ERI1: variants seen among roughly 807,000 people sequenced by gnomAD.
ERI1 encodes the protein exoribonuclease 1.
ERI1 carries 39 observed loss-of-function variants against 39.7 expected under a neutral mutation model. That is an observed-to-expected ratio of 0.98 (90% CI 0.76 to 1.28). The LOEUF (loss-of-function observed/expected upper bound fraction) is 1.28, where lower values mean the gene tolerates loss of function less well. Ranked by LOEUF, ERI1 falls within the 50% of genes most tolerant of loss-of-function variation. ERI1 has a pLI of 0.00. For synonymous variants in ERI1, 204 were observed against 149.6 expected (o/e 1.36, Z -2.65); for missense variants, 581 against 416.9 (o/e 1.39, Z -3.43).
At chr8:9,036,738 G>A (rs1161860328), downstream of ERI1, among the ~76,000 whole-genome samples, 1 of 152,012 alleles carries the variant, frequency 6.6e-6, no homozygotes, top group Non-Finnish European at 1.5e-5. Context: ...GCAAGGTTGT[G>A]ATTTTCTGTT....
intron 3 of ERI1, among the ~76,000 whole-genome samples, chr8:9,050,126 A>G (rs1045274814): frequency 2.0e-5 from 3 of 151,866 alleles, no homozygotes; most frequent in Non-Finnish European, 4.4e-5. Flanking sequence ...GAGGTAGAAT[A>G]TATATAAAGC....
intron 5 of ERI1, among the ~76,000 whole-genome samples, chr8:9,018,777 T>C (rs755185720): frequency 1.4e-4 from 22 of 152,354 alleles, no homozygotes; most frequent in African/African-American, 4.1e-4. Flanking sequence ...TAATCCTCTT[T>C]AGTCAGACTG....
At chr8:9,015,646 T>C (rs940289623) in intron 3 of ERI1, among the ~76,000 whole-genome samples, 4 of 134,664 alleles carry the variant, frequency 3.0e-5, no homozygotes, top group South Asian at 4.7e-4. Context: ...GGCGTGAACC[T>C]GGGAGGCGGA....
intron 1 of ERI1, among the ~76,000 whole-genome samples, chr8:9,003,892 C>T (rs988192760): frequency 4.6e-5 from 7 of 152,188 alleles, no homozygotes; most frequent in East Asian, 1.9e-4. Flanking sequence ...TGCAAGAGGC[C>T]TCCTAACTCT....
intron 3 of ERI1, among the ~76,000 whole-genome samples, chr8:9,048,836 G>C (rs1652818649): frequency 6.6e-6 from 1 of 151,976 alleles, no homozygotes; most frequent in Middle Eastern, 3.4e-3. Flanking sequence ...AGTGGAGATG[G>C]GGTCTTGCTA....
chr8:9,035,318 G>GA (rs1797808250), downstream of ERI1, among the ~76,000 whole-genome samples: 1 of 152,178 alleles, frequency 6.6e-6, no homozygotes, highest in Non-Finnish European at 1.5e-5. Flanking sequence ...TTGATAGCTG[G>GA]AGAGAAGTCA....
chr8:9,011,458 T>A lies in ERI1; in HGVS notation c.288-84T>A, dbSNP rs1816658185. On this transcript the variant is annotated intron_variant, in intron 2 of 6. Transcript: ENST00000250263. ...CTAAATTTCGCTGTGATTGTCAGTG[T>A]TCAGCCCAGTGCCAGCAGGTGAGAG... The A allele has an allele frequency of 5.9e-6, 5 of 841,806 alleles. No individual in the cohort carries two copies. In the South Asian group the frequency reaches 1.2e-4, roughly 20 times the overall value. The allele number at this position is 841,806 out of a possible 1,614,324, so 52.1% of individuals were successfully genotyped here. A position where few individuals can be genotyped will look rare whatever the true frequency, so the allele number is the denominator to read the frequency against.
intron 3 of ERI1, among the ~76,000 whole-genome samples, chr8:9,044,152 C>G (rs1346523551): frequency 6.6e-6 from 1 of 152,184 alleles, no homozygotes; most frequent in Non-Finnish European, 1.5e-5. Context: ...TAGTGAATTA[C>G]AGCTGATTTA....
intron 3 of ERI1, among the ~76,000 whole-genome samples, chr8:9,090,460 A>G (rs1485065194): frequency 1.3e-5 from 2 of 152,210 alleles, no homozygotes; most frequent in African/African-American, 4.8e-5. Context: ...ACTCTAGCTT[A>G]TTGATTATGG....
intron 3 of ERI1, among the ~76,000 whole-genome samples, chr8:9,081,898 T>A (rs1309884244): frequency 6.6e-6 from 1 of 152,186 alleles, no homozygotes; most frequent in Admixed American, 6.5e-5. Context: ...AGACTTCTCA[T>A]TAGCCTGCAC....
At chr8:9,095,710 G>C (rs751618507) in intron 3 of ERI1, among the ~76,000 whole-genome samples, 1 of 151,992 alleles carries the variant, frequency 6.6e-6, no homozygotes, top group Non-Finnish European at 1.5e-5. Flanking sequence ...TTGTAGAAAT[G>C]GGGTTTCACC....
At chr8:9,097,467 G>A (rs534479872) in intron 3 of ERI1, among the ~76,000 whole-genome samples, 3 of 152,132 alleles carry the variant, frequency 2.0e-5, no homozygotes, top group South Asian at 2.1e-4. Context: ...GGCTGAGTTC[G>A]AGACCAGCCT....
chr8:9,026,742 G>C (rs1265508346), intron 6 of ERI1, among the ~76,000 whole-genome samples: 2 of 152,178 alleles, frequency 1.3e-5, no homozygotes, highest in Non-Finnish European at 2.9e-5. Flanking sequence ...TTTCGGATGA[G>C]TGATGCAAAA....
chr8:9,062,366 C>T (rs561710663), intron 3 of ERI1, among the ~76,000 whole-genome samples: 19 of 151,758 alleles, frequency 1.3e-4, no homozygotes, highest in African/African-American at 4.3e-4. Flanking sequence ...GGCTGTAGTC[C>T]AGGAACAGTC....
chr8:9,087,195 C>T (rs186152933), intron 3 of ERI1, among the ~76,000 whole-genome samples: 1 of 151,908 alleles, frequency 6.6e-6, no homozygotes, highest in East Asian at 1.9e-4. Flanking sequence ...TGCTCTCCCT[C>T]CCCTTGCCCC....
intron 1 of ERI1, 91 bp from the exon 2 acceptor site, chr8:9,007,879 G>C (rs998183322): frequency 1.4e-6 from 2 of 1,480,548 alleles, no homozygotes; most frequent in African/African-American, 1.5e-5. Context: ...GGCTTCAGAA[G>C]TTTGAAAGTT....
At chr8:9,057,445 C>G (rs910107606) in intron 3 of ERI1, among the ~76,000 whole-genome samples, 3 of 152,208 alleles carry the variant, frequency 2.0e-5, no homozygotes, top group Admixed American at 1.3e-4. Flanking sequence ...CTAGATGACC[C>G]AGCACGTAGC....
At chr8:9,081,483 G>A (rs543068186) in intron 3 of ERI1, among the ~76,000 whole-genome samples, 4 of 152,176 alleles carry the variant, frequency 2.6e-5, no homozygotes, top group African/African-American at 4.8e-5. Flanking sequence ...AGTGGATGCT[G>A]GAATCCCTCA....
At chr8:9,067,754 A>G (rs1798927047) in intron 3 of ERI1, among the ~76,000 whole-genome samples, 1 of 151,974 alleles carries the variant, frequency 6.6e-6, no homozygotes, top group Admixed American at 6.6e-5. Context: ...GCTGGGTTCC[A>G]CGGTATTAAC....
Sources: allele counts gnomAD v4.1 joint callset (sites outside exome capture counted in the v4.1 genomes callset), GRCh38; gene constraint gnomAD v4.1.1; transcripts MANE v1.5; gene names NCBI Gene and HGNC (gene_info 2026-07-23, HGNC 2026-07-21).